Variants in SLC16A10 observed in about 807,000 individuals in gnomAD.
SLC16A10 encodes the protein solute carrier family 16 member 10.
In SLC16A10, 27 loss-of-function variants were observed where a neutral mutation model predicts 40.0. The ratio of observed to expected loss-of-function variants is 0.67; its 90% CI spans 0.50 to 0.93. SLC16A10 has a LOEUF of 0.93. Ranked by LOEUF, SLC16A10 falls within the 40% of genes least tolerant of loss-of-function variation. SLC16A10 has a pLI of 0.00. For missense variants in SLC16A10, 529 were observed against 658.2 expected, an observed-to-expected ratio of 0.80 and a Z score of 2.15; for synonymous variants, 213 against 249.8, an observed-to-expected ratio of 0.85 and a Z score of 1.39.
rs139224167 is a variant in SLC16A10, at chr6:111,191,676, C to A, written c.942+14011C>A. ...TTTTATTTCTCCACATCCTCTCCAG[C>A]ATCTGTTGTTTCCTGACATTTTAAT... is the stretch of plus-strand genomic sequence containing the variant. On this transcript the variant is annotated intron_variant, in intron 3 of 5. Coordinates refer to ENST00000368851, the MANE Select transcript of SLC16A10 (RefSeq NM_018593.5). 5.8e-3 allele frequency among the ~76,000 whole-genome samples: 884 copies of A among 152,312 alleles called. 5 individuals are homozygous for A. Among genetic ancestry groups the A allele is most frequent in the Admixed American group, 0.011 (166 of 15,290 alleles).
Position 111,100,982 on chromosome 6 carries a change from CTCTCTCTCTCTA to C in SLC16A10, c.343+12889_343+12900del, listed in dbSNP as rs1380667046. 3.5e-3 allele frequency among the ~76,000 whole-genome samples: 410 copies of C among 116,566 alleles called. 1 individual carries two copies. The highest frequency in any genetic ancestry group is 0.011 in the African/African-American group (298 of 26,124). 76.5% of individuals were successfully genotyped at this position (116,566 alleles called of 152,430 possible). On this transcript the variant is annotated intron_variant, in intron 1 of 5. Transcript: ENST00000368851. ...TCCCTCTCTCTCTCTCTCTCTCTCT[CTCTCTCTCTCTA>C]TATATATATATATATATATATATAA...
chr6:111,105,495 A>G (rs1439079516), intron 1 of SLC16A10, among the ~76,000 whole-genome samples: 1 of 152,184 alleles, frequency 6.6e-6, no homozygotes, highest in African/African-American at 2.4e-5. Context: ...CACATTCATA[A>G]TGGACATTTG....
At chr6:111,130,339 A>G (rs1317631519) in intron 1 of SLC16A10, among the ~76,000 whole-genome samples, 1 of 152,220 alleles carries the variant, frequency 6.6e-6, no homozygotes, top group Non-Finnish European at 1.5e-5. Flanking sequence ...GAACTTGTTT[A>G]TGTGCCCTCT....
intron 1 of SLC16A10, among the ~76,000 whole-genome samples, chr6:111,169,894 G>GGTTTT (rs895838505): frequency 2.0e-5 from 3 of 146,910 alleles, no homozygotes; most frequent in African/African-American, 7.5e-5. Flanking sequence ...CTTGTGCAAG[G>GGTTTT]GTTTTGTTTT....
chr6:111,206,142 A>C (rs1285376685), intron 3 of SLC16A10, among the ~76,000 whole-genome samples: 1 of 151,136 alleles, frequency 6.6e-6, no homozygotes, highest in Non-Finnish European at 1.5e-5. Context: ...GCAGTTGTGC[A>C]ATCAGCTCAC....
At chr6:111,192,104 T>C (rs559777534) in intron 3 of SLC16A10, among the ~76,000 whole-genome samples, 1 of 152,352 alleles carries the variant, frequency 6.6e-6, no homozygotes, top group Admixed American at 6.5e-5. Flanking sequence ...GCCTATGTCC[T>C]GAATGGTATT....
intron 3 of SLC16A10, among the ~76,000 whole-genome samples, chr6:111,203,983 T>C (rs1773215719): frequency 6.6e-6 from 1 of 152,118 alleles, no homozygotes; most frequent in Non-Finnish European, 1.5e-5. Flanking sequence ...ATTCAGTCTT[T>C]TATGAATACT....
chr6:111,131,036 C>T (rs1771771988), intron 1 of SLC16A10, among the ~76,000 whole-genome samples: 2 of 152,342 alleles, frequency 1.3e-5, no homozygotes, highest in South Asian at 4.1e-4. Context: ...CTTTTGGGTC[C>T]CCTCCCTTTG....
intron 3 of SLC16A10, among the ~76,000 whole-genome samples, chr6:111,180,646 G>A (rs1772773133): frequency 6.6e-6 from 1 of 152,046 alleles, no homozygotes; most frequent in African/African-American, 2.4e-5. Flanking sequence ...AATATGGAAG[G>A]TGAAGAAATA....
intron 1 of SLC16A10, among the ~76,000 whole-genome samples, chr6:111,117,008 C>T (rs1403125840): frequency 1.3e-5 from 2 of 151,930 alleles, no homozygotes; most frequent in Non-Finnish European, 2.9e-5. Context: ...AAAGTTGGCC[C>T]AACACAATTA....
chr6:111,198,130 T>C (rs1038501181), intron 3 of SLC16A10, among the ~76,000 whole-genome samples: 5 of 151,896 alleles, frequency 3.3e-5, no homozygotes, highest in African/African-American at 1.2e-4. Flanking sequence ...CTACTAAAAA[T>C]ACAAAAACTA....
intron 1 of SLC16A10, among the ~76,000 whole-genome samples, chr6:111,158,550 G>T (rs1270875750): frequency 1.3e-5 from 2 of 152,174 alleles, no homozygotes; most frequent in Non-Finnish European, 2.9e-5. Flanking sequence ...GACAGGAGGT[G>T]GAGCTCAGGT....
chr6:111,225,550 A>C lies in SLC16A10; in HGVS notation c.*3315A>C, dbSNP rs1770980723. 2.3e-5 allele frequency: 1 copy of C among 44,234 alleles called. No individual in the cohort carries two copies. The highest frequency in any genetic ancestry group is 4.5e-4 in the South Asian group (1 of 2,238). 2.7% of individuals were successfully genotyped at this position (44,234 alleles called of 1,614,324 possible). On this transcript the variant is annotated 3_prime_UTR_variant, in exon 6 of 6. Transcript: ENST00000368851. The stretch of plus-strand genomic sequence containing the variant: ...GGGCGACAGAGCGAGACTCCATCTC[A>C]AAAAAAAAAAAAAAAAGTAAAAGTA...
intron 3 of SLC16A10, chr6:111,178,337 G>A (rs186751539): frequency 3.8e-6 from 2 of 526,354 alleles, no homozygotes; most frequent in African/African-American, 3.9e-5. Flanking sequence ...AGAGAACTAT[G>A]GTTTTATAGG....
intron 4 of SLC16A10, among the ~76,000 whole-genome samples, chr6:111,217,878 T>C (rs528800675): frequency 6.6e-6 from 1 of 152,328 alleles, no homozygotes; most frequent in African/African-American, 2.4e-5. Context: ...CACTTGCACT[T>C]ATTTATTTAA....
In SLC16A10 at chr6:111,102,108, G is replaced by T. The variant is rs967662238; in HGVS notation, c.343+14013G>T. On this transcript the variant is annotated intron_variant, in intron 1 of 5. Transcript: ENST00000368851. ...CTTTGTTTAGTGAGTAGCAGGCAGT[G>T]TTGTACAACATATGTAGCATATCTG... 3.3e-5 allele frequency among the ~76,000 whole-genome samples: 5 copies of T among 152,332 alleles called. No individual in the cohort carries two copies. In the South Asian group the frequency reaches 1.0e-3, roughly 32 times the overall value.
At position 111,216,586 on chromosome 6, in the gene SLC16A10, T is replaced by G. The variant is rs1441031613; in HGVS notation, c.1087-2228T>G. Among the ~76,000 whole-genome samples, 21 of 145,386 alleles carry G rather than the reference T, an allele frequency of 1.4e-4. No homozygotes were observed. The Middle Eastern group carries it at 0.021, about 142-fold the overall frequency. ...CCCGGCTAACTTTTTTTTTTTTTTT[T>G]TTGTATTTTTAGTAGAGACGGGGTT... On this transcript the variant is annotated intron_variant, in intron 4 of 5. Transcript: ENST00000368851.
chr6:111,117,935 A>G (rs1771517848), intron 1 of SLC16A10, among the ~76,000 whole-genome samples: 1 of 152,170 alleles, frequency 6.6e-6, no homozygotes, highest in Non-Finnish European at 1.5e-5. Flanking sequence ...CTGGAGGGAG[A>G]GCGAAGCCAA....
intron 2 of SLC16A10, among the ~76,000 whole-genome samples, chr6:111,174,432 A>G (rs1583344266): frequency 6.7e-6 from 1 of 148,248 alleles, no homozygotes; most frequent in Non-Finnish European, 1.5e-5. Context: ...ATTTTCTTCC[A>G]TCTAATTTAG....
Sources: allele counts gnomAD v4.1 joint callset (sites outside exome capture counted in the v4.1 genomes callset), GRCh38; gene constraint gnomAD v4.1.1; transcripts MANE v1.5; gene names NCBI Gene and HGNC (gene_info 2026-07-23, HGNC 2026-07-21).